The following ELP5 variants were observed in gnomAD, a reference collection of about 807,000 sequenced individuals.
ELP5 encodes the protein elongator acetyltransferase complex subunit 5, also known as elongator complex protein 5.
Under a neutral mutation model 33.4 loss-of-function variants are expected in ELP5, and 34 were observed. The observed-to-expected ratio is 1.02, with a 90% CI of 0.78 to 1.36. The LOEUF (loss-of-function observed/expected upper bound fraction) is 1.36, where lower values mean the gene tolerates loss of function less well. ELP5 is among the 40% of genes most tolerant of loss of function. ELP5 has a pLI of 0.00. For missense variants in ELP5, 373 were observed against 371.7 expected, an observed-to-expected ratio of 1.00 and a Z score of -0.03; for synonymous variants, 161 against 146.4, an observed-to-expected ratio of 1.10 and a Z score of -0.72.
intron 3 of ELP5, among the ~76,000 whole-genome samples, chr17:7,254,188 C>CT (rs2072019621): frequency 6.6e-6 from 1 of 152,286 alleles, no homozygotes; most frequent in East Asian, 1.9e-4. Context: ...TCTGCTTTCT[C>CT]TTTTTTCACC....
Position 7,253,150 on chromosome 17 carries a change from A to G in ELP5, c.188+152A>G, listed in dbSNP as rs2071990727. 1.4e-5 allele frequency: 10 copies of G among 736,616 alleles called. No individual in the cohort carries two copies. In the South Asian group the frequency reaches 1.5e-4, roughly 11 times the overall value. 45.6% of individuals were successfully genotyped at this position (736,616 alleles called of 1,614,324 possible). ...TGGATCTTTCAGGAGGCAAGAATTA[A>G]TAAGAGGAGTGATGAGTATTTGGGG... On this transcript the variant is annotated intron_variant, in intron 3 of 7. Transcript: ENST00000396628.
intron 5 of ELP5, among the ~76,000 whole-genome samples, chr17:7,257,894 C>A (rs1242258083): frequency 6.6e-6 from 1 of 152,026 alleles, no homozygotes; most frequent in African/African-American, 2.4e-5. Flanking sequence ...ATGGTGAAAT[C>A]TCATCTCTAC....
chr17:7,253,954 G>A (rs1185513336), intron 3 of ELP5, among the ~76,000 whole-genome samples: 2 of 149,590 alleles, frequency 1.3e-5, no homozygotes, highest in African/African-American at 5.0e-5. Flanking sequence ...CGGAGATCAC[G>A]CCATTGCACT....
intron 5 of ELP5, among the ~76,000 whole-genome samples, chr17:7,257,838 G>GCACTTT (rs2072111496): frequency 6.6e-6 from 1 of 152,168 alleles, no homozygotes; most frequent in Non-Finnish European, 1.5e-5. Context: ...GGGGGGCCGA[G>GCACTTT]GTGGGCAGAT....
chr17:7,259,762 G>A lies in ELP5; in HGVS notation c.*77G>A, dbSNP rs1198644863. ...GCCCAGAACCATCTTTCTATTGTTT[G>A]TGTTAGCCTTACCCTGTCCCTGCCC... On this transcript the variant is annotated 3_prime_UTR_variant, in exon 8 of 8. Transcript: ENST00000396628. 6.3e-7 allele frequency: 1 copy of A among 1,581,556 alleles called. No homozygotes were observed. The highest frequency in any genetic ancestry group is 8.6e-7 in the Non-Finnish European group (1 of 1,164,742).
In ELP5 at chr17:7,256,845, G is replaced by C. The variant is rs201114948; in HGVS notation, c.410-12G>C. The C allele has an allele frequency of 2.1e-5, 34 of 1,614,058 alleles. No individual in the cohort carries two copies. The Admixed American group carries it at 4.7e-4, about 22-fold the overall frequency. On this transcript the variant is annotated splice_polypyrimidine_tract_variant and intron_variant, in intron 4 of 7. Coordinates refer to ENST00000396628, the MANE Select transcript of ELP5 (RefSeq NM_203414.3). ...TGCTCCCTACTATCCTACATTTCTT[G>C]TCCTCCTCTAGGTGACAGCTCCTCA...
intron 4 of ELP5, among the ~76,000 whole-genome samples, chr17:7,256,219 C>A (rs940922538): frequency 3.9e-5 from 6 of 152,108 alleles, no homozygotes; most frequent in African/African-American, 1.4e-4. Flanking sequence ...CGTGGTGGCA[C>A]GCGCCTGTAG....
At chr17:7,259,478 G>T in intron 7 of ELP5, 93 bp from the exon 8 acceptor site, 2 of 1,575,864 alleles carry the variant, frequency 1.3e-6, no homozygotes, top group Non-Finnish European at 1.7e-6. Flanking sequence ...AGGCCTAACA[G>T]GTTGCCTGAA....
At chr17:7,258,735 C>G in intron 6 of ELP5, 52 bp downstream of exon 6, 1 of 1,613,898 alleles carries the variant, frequency 6.2e-7, no homozygotes, top group Non-Finnish European at 8.5e-7. Context: ...AGTATCTGGT[C>G]ACGGGAGAGA....
At chr17:7,251,826 G>C (rs924755114), upstream of ELP5, 1 of 154,172 alleles carries the variant, frequency 6.5e-6, no homozygotes, top group Non-Finnish European at 1.4e-5. Flanking sequence ...AGGGAAGGAG[G>C]GGGAGGGGGA....
chr17:7,253,147 T>C, intron 3 of ELP5, 149 bp downstream of exon 3: 1 of 747,022 alleles, frequency 1.3e-6, no homozygotes, highest in South Asian at 1.7e-5. Context: ...GAGGCAAGAA[T>C]TAATAAGAGG....
chr17:7,254,666 T>C lies in ELP5; in HGVS notation c.272T>C (p.Leu91Ser). Residue 91 changes from leucine to serine, a missense_variant, in exon 4 of 8, where the codon TTG becomes TCG. Leu to Ser is a moderately radical substitution (Grantham distance 145). Transcript: ENST00000396628. ...EAFPGGPLGALRAMCKRTDPV... is the reference protein window; with the variant it reads ...EAFPGGPLGASRAMCKRTDPV... ...TTTCCTGGGGGGCCGCTGGGAGCCTTGAGAGCCATGTGCAAGAGGACAGAT... is the reference window on the plus strand; with the variant it reads ...TTTCCTGGGGGGCCGCTGGGAGCCTCGAGAGCCATGTGCAAGAGGACAGAT... 6.2e-7 allele frequency: 1 copy of C among 1,614,196 alleles called. No homozygotes were observed. The highest frequency in any genetic ancestry group is 8.5e-7 in the Non-Finnish European group (1 of 1,180,032).
At position 7,254,793 on chromosome 17, in the gene ELP5, C is replaced by T. The variant is rs755931904; in HGVS notation, c.399C>T (p.Asp133=). ...CQVLHAVSHQ[D]SCPGDSSSVG... ...TCCTGCATGCTGTGAGCCATCAGGA[C>T]TCTTGTCCTGGTGAGACCCCTCCTT... The change falls in exon 4 of 8, where the codon GAC becomes GAT. Residue 133 remains aspartate (D), a synonymous_variant. Transcript: ENST00000396628. 17 of 1,614,126 alleles carry T rather than the reference C, an allele frequency of 1.1e-5. No individual in the cohort carries two copies. The South Asian group carries it at 1.6e-4, about 16-fold the overall frequency.
intron 7 of ELP5, 110 bp downstream of exon 7, chr17:7,259,036 TC>T: frequency 6.6e-7 from 1 of 1,521,172 alleles, no homozygotes; most frequent in Non-Finnish European, 8.8e-7. Context: ...GGGACTGAAG[TC>T]CACCTCCAGA....
In ELP5 at chr17:7,259,658, A is replaced by C. The variant is rs760582477; in HGVS notation, c.876A>C (p.Glu292Asp). ...EPDAYDDLDQ[E>D]DPDDDLDI ...ATGCTTATGATGACCTGGACCAAGA[A>C]GACCCAGATGACGACCTGGATATTT... Residue 292 changes from glutamate (E) to aspartate (D), a missense_variant, in exon 8 of 8, where the codon GAA becomes GAC. By Grantham distance (45) the Glu-to-Asp change is conservative. Transcript: ENST00000396628. 1.2e-6 allele frequency: 2 copies of C among 1,614,224 alleles called. No individual in the cohort carries two copies. The highest frequency in any genetic ancestry group is 3.3e-5 in the Admixed American group (2 of 60,034).
intron 3 of ELP5, among the ~76,000 whole-genome samples, chr17:7,254,044 A>G (rs974001801): frequency 6.6e-6 from 1 of 151,606 alleles, no homozygotes; most frequent in Non-Finnish European, 1.5e-5. Flanking sequence ...TAGAAAAGAG[A>G]TATCTGGGAA....
chr17:7,254,273 A>C (rs2072021406), intron 3 of ELP5, among the ~76,000 whole-genome samples: 1 of 152,232 alleles, frequency 6.6e-6, no homozygotes. Flanking sequence ...TCAGGCATAT[A>C]CTATGTGTCA....
intron 7 of ELP5, 184 bp from the exon 8 acceptor site, chr17:7,259,387 G>A: frequency 7.0e-7 from 1 of 1,430,528 alleles, no homozygotes; most frequent in Non-Finnish European, 9.1e-7. Context: ...CAGTACAAGG[G>A]TATCTATCCC....
At position 7,259,214 on chromosome 17, in the gene ELP5, C is replaced by T. The variant is rs11544290; in HGVS notation, c.788+288C>T. 43,969 of 1,383,516 alleles carry T rather than the reference C, an allele frequency of 0.032. 858 individuals are homozygous for T. The highest frequency in any genetic ancestry group is 0.043 in the Middle Eastern group (158 of 3,652). The allele number at this position is 1,383,516 out of a possible 1,614,324, so 85.7% of individuals were successfully genotyped here. On this transcript the variant is annotated intron_variant, in intron 7 of 7. Transcript: ENST00000396628. ...CTTGGGAGGTGGCCCTATCCCTAGG[C>T]AGTGGTGCTAGGAGGACAGAAGGCT...
Sources: allele counts gnomAD v4.1 joint callset (sites outside exome capture counted in the v4.1 genomes callset), GRCh38; gene constraint gnomAD v4.1.1; transcripts MANE v1.5; gene names NCBI Gene and HGNC (gene_info 2026-07-23, HGNC 2026-07-21).